Variants in DNAJC1 observed in about 807,000 individuals in gnomAD.
DNAJC1 encodes DnaJ heat shock protein family (Hsp40) member C1.
In DNAJC1, 58 loss-of-function variants were observed where a neutral mutation model predicts 76.6. The observed-to-expected ratio is 0.76, with a 90% CI of 0.61 to 0.94. The LOEUF (loss-of-function observed/expected upper bound fraction) is 0.94. DNAJC1 is among the 40% of genes least tolerant of loss of function. The probability of loss-of-function intolerance (pLI) is 0.00; values close to 1 mark genes in which losing one functional copy is unlikely to be tolerated. For missense variants in DNAJC1, 689 were observed against 677.3 expected, an observed-to-expected ratio of 1.02 and a Z score of -0.19; for synonymous variants, 258 against 267.9, an observed-to-expected ratio of 0.96 and a Z score of 0.36.
chr10:21,764,118 T>A (rs1358805971), intron 10 of DNAJC1, among the ~76,000 whole-genome samples: 2 of 151,342 alleles, frequency 1.3e-5, no homozygotes, highest in Non-Finnish European at 2.9e-5. Context: ...AAAAAAAAAA[T>A]GGAAACAAAC....
chr10:21,812,582 T>C (rs796686470), intron 8 of DNAJC1, among the ~76,000 whole-genome samples: 2 of 152,114 alleles, frequency 1.3e-5, no homozygotes, highest in Non-Finnish European at 2.9e-5. Flanking sequence ...TTTTTTCCTT[T>C]TTAGAGACAG....
chr10:21,992,915 T>G (rs779914878), intron 1 of DNAJC1, among the ~76,000 whole-genome samples: 2 of 152,168 alleles, frequency 1.3e-5, no homozygotes, highest in Admixed American at 1.3e-4. Flanking sequence ...CATTCTGACA[T>G]CCAGGCTAAG....
intron 9 of DNAJC1, among the ~76,000 whole-genome samples, chr10:21,774,447 A>T (rs1020853158): frequency 6.6e-6 from 1 of 152,162 alleles, no homozygotes; most frequent in Non-Finnish European, 1.5e-5. Context: ...TTTCATACAC[A>T]TTGTTTTTTC....
intron 8 of DNAJC1, among the ~76,000 whole-genome samples, chr10:21,877,006 G>A (rs960876148): frequency 7.9e-5 from 12 of 152,104 alleles, no homozygotes; most frequent in East Asian, 1.9e-4. Flanking sequence ...CAGGTGTGGC[G>A]GCTCATGCTT....
chr10:21,810,481 T>G (rs982926756), intron 8 of DNAJC1, among the ~76,000 whole-genome samples: 1 of 152,206 alleles, frequency 6.6e-6, no homozygotes, highest in Non-Finnish European at 1.5e-5. Context: ...TAATTCCCTA[T>G]GGTCATCACA....
At chr10:21,914,494 C>G (rs561263169) in intron 6 of DNAJC1, among the ~76,000 whole-genome samples, 1 of 152,268 alleles carries the variant, frequency 6.6e-6, no homozygotes, top group Non-Finnish European at 1.5e-5. Context: ...ACAGATCTTT[C>G]ACAGATGTGT....
Position 21,759,162 on chromosome 10 carries a change from T to G in DNAJC1, c.1596+8A>C. On this transcript the variant is annotated splice_region_variant and intron_variant, in intron 11 of 11. Coordinates refer to ENST00000376980, the MANE Select transcript of DNAJC1 (RefSeq NM_022365.4). ...ACCTGTGCAGAGGCCTCTTTCCCCA[T>G]CACTCACCTTGCTCTTGGACGGGAC... 1.9e-6 allele frequency: 3 copies of G among 1,609,196 alleles called. No individual in the cohort carries two copies. Among genetic ancestry groups the G allele is most frequent in the Non-Finnish European group, 2.5e-6 (3 of 1,177,316 alleles).
At chr10:21,841,812 G>A (rs185471844) in intron 8 of DNAJC1, among the ~76,000 whole-genome samples, 1 of 152,172 alleles carries the variant, frequency 6.6e-6, no homozygotes, top group East Asian at 1.9e-4. Context: ...GTTTATAGCG[G>A]CACTGTTCAC....
chr10:21,925,029 C>T (rs937392274), intron 3 of DNAJC1, among the ~76,000 whole-genome samples: 49 of 152,104 alleles, frequency 3.2e-4, no homozygotes, highest in African/African-American at 1.2e-3. Context: ...GTCTCACTCT[C>T]TCACTCAGGC....
chr10:21,909,703 T>C (rs925333795), intron 6 of DNAJC1, among the ~76,000 whole-genome samples: 1 of 152,228 alleles, frequency 6.6e-6, no homozygotes, highest in African/African-American at 2.4e-5. Flanking sequence ...GATGGAAATA[T>C]CATGTGTCAT....
chr10:21,796,352 T>C (rs1834750630), intron 9 of DNAJC1, among the ~76,000 whole-genome samples: 1 of 152,176 alleles, frequency 6.6e-6, no homozygotes, highest in African/African-American at 2.4e-5. Context: ...TCAATGGACA[T>C]TTAGGCTGTT....
chr10:21,844,589 A>T (rs1344566239), intron 8 of DNAJC1, among the ~76,000 whole-genome samples: 2 of 152,108 alleles, frequency 1.3e-5, no homozygotes, highest in African/African-American at 2.4e-5. Context: ...TGCATTTTTG[A>T]TCCTATTAAT....
intron 8 of DNAJC1, among the ~76,000 whole-genome samples, chr10:21,813,838 G>A (rs913723927): frequency 3.3e-5 from 5 of 152,160 alleles, no homozygotes; most frequent in African/African-American, 1.2e-4. Flanking sequence ...TTAGGAGTCA[G>A]TTGGCCCTCT....
At chr10:21,946,150 CCTT>C (rs1167636757) in intron 1 of DNAJC1, among the ~76,000 whole-genome samples, 1 of 140,316 alleles carries the variant, frequency 7.1e-6, no homozygotes, top group Non-Finnish European at 1.5e-5. Flanking sequence ...AAGCGATTCT[CCTT>C]CCTCAGCCTC....
chr10:21,766,408 C>A (rs1213385966), intron 9 of DNAJC1, 99 bp from the exon 10 acceptor site: 1 of 894,728 alleles, frequency 1.1e-6, no homozygotes, highest in South Asian at 1.4e-5. Context: ...GAACACAGTT[C>A]ATTGGATCTT....
At chr10:21,764,196 G>A (rs2131617597) in intron 10 of DNAJC1, among the ~76,000 whole-genome samples, 1 of 152,298 alleles carries the variant, frequency 6.6e-6, no homozygotes, top group East Asian at 1.9e-4. Flanking sequence ...GGACTACTAT[G>A]GAGCCATTAA....
chr10:21,951,456 A>G (rs780920525), intron 1 of DNAJC1, among the ~76,000 whole-genome samples: 1 of 152,198 alleles, frequency 6.6e-6, no homozygotes, highest in African/African-American at 2.4e-5. Context: ...TTCTCCTACC[A>G]AATTAAAGAC....
At chr10:21,990,090 T>A (rs1477235591) in intron 1 of DNAJC1, among the ~76,000 whole-genome samples, 2 of 152,244 alleles carry the variant, frequency 1.3e-5, no homozygotes, top group Non-Finnish European at 2.9e-5. Flanking sequence ...GGGTGCTGCT[T>A]CAAGAGTCTA....
intron 9 of DNAJC1, among the ~76,000 whole-genome samples, chr10:21,774,854 G>A (rs1221736245): frequency 6.6e-6 from 1 of 152,130 alleles, no homozygotes; most frequent in Non-Finnish European, 1.5e-5. Context: ...AATTCCAATG[G>A]CACATGGGGA....
Sources: gnomAD v4.1 joint callset for allele counts (sites outside exome capture counted in the v4.1 genomes callset) on GRCh38, gnomAD v4.1.1 for gene constraint, MANE v1.5 for transcripts, NCBI Gene and HGNC (gene_info 2026-07-23, HGNC 2026-07-21) for gene names.